Variants in ANGPT4 observed in about 807,000 individuals in gnomAD.
The protein encoded by ANGPT4 is angiopoietin-4.
Under a neutral mutation model 53.0 loss-of-function variants are expected in ANGPT4, and 50 were observed. The observed-to-expected ratio is 0.94, with a 90% confidence interval of 0.75 to 1.20. ANGPT4 has a LOEUF of 1.20. Among genes scored for constraint, ANGPT4 ranks in the 50% most tolerant of loss-of-function variants. The pLI, the probability that ANGPT4 is intolerant of heterozygous loss-of-function variation, is 0.00. For missense variants in ANGPT4, 648 were observed against 637.1 expected (o/e 1.02, Z -0.18); for synonymous variants, 251 against 259.7 (o/e 0.97, Z 0.32).
chr20:905,839 C>T (rs1002615445), intron 1 of ANGPT4, among the ~76,000 whole-genome samples: 1 of 152,194 alleles, frequency 6.6e-6, no homozygotes, highest in Admixed American at 6.5e-5. Context: ...GCTACTCTGT[C>T]CCAGGCATGA....
rs1982921365 is a variant in ANGPT4 at position 915,983 on chromosome 20, G to T, written c.232C>A (p.His78Asn). 6.2e-7 allele frequency: 1 copy of T among 1,612,342 alleles called. No homozygotes were observed. The highest frequency in any genetic ancestry group is 1.3e-5 in the African/African-American group (1 of 75,046). Residue 78 changes from histidine to asparagine, a missense_variant, in exon 1 of 9, where the codon CAC (histidine) becomes AAC (asparagine). Coordinates refer to ENST00000381922, the MANE Select transcript of ANGPT4 (RefSeq NM_015985.4). ...LQRESLANPLHLGKLPTQQVK... is the reference protein window; with the variant it reads ...LQRESLANPLNLGKLPTQQVK... ...TGCTGGGTGGGCAACTTCCCCAGGT[G>T]CAGTGGGTTGGCCAGTGATTCTCTC...
At chr20:877,034 C>T (rs1981196788) in intron 7 of ANGPT4, among the ~76,000 whole-genome samples, 1 of 151,324 alleles carries the variant, frequency 6.6e-6, no homozygotes, top group Non-Finnish European at 1.5e-5. Flanking sequence ...CCAGCCTGGG[C>T]AACAGAGTGA....
intron 6 of ANGPT4, 107 bp from the exon 7 acceptor site, chr20:878,434 T>C (rs1981260729): frequency 8.9e-7 from 1 of 1,119,172 alleles, no homozygotes; most frequent in South Asian, 1.8e-5. Context: ...ACAAAACCAC[T>C]GTGCTTAATG....
chr20:888,423 G>C lies in ANGPT4; in HGVS notation c.482C>G (p.Ser161Ter). The C allele has an allele frequency of 6.2e-7, 1 of 1,612,996 alleles. No individual in the cohort carries two copies. The highest frequency in any genetic ancestry group is 2.2e-5 in the East Asian group (1 of 44,838). Residue 161 changes from serine to a stop codon, truncating the protein, a stop_gained, in exon 3 of 9, where the codon TCA becomes TGA. Transcript: ENST00000381922. LOFTEE classifies it high-confidence loss of function. Reference sequence around the variant, plus strand: ...CTCTGGCATCTGGGCATCCATTCTTGATGTCTGGTTCAGGAGCTGCCCCAG... The same window carrying C: ...CTCTGGCATCTGGGCATCCATTCTTCATGTCTGGTTCAGGAGCTGCCCCAG... ...DMEAQLLNQTSRMDAQMPETF... is the reference protein window; with the variant it reads ...DMEAQLLNQT
chr20:912,951 A>T (rs1982762813), intron 1 of ANGPT4, among the ~76,000 whole-genome samples: 1 of 152,114 alleles, frequency 6.6e-6, no homozygotes, highest in Non-Finnish European at 1.5e-5. Context: ...TGGCTCTGGC[A>T]AGTCACTTTC....
intron 7 of ANGPT4, among the ~76,000 whole-genome samples, chr20:875,800 A>T (rs1264815083): frequency 6.6e-6 from 1 of 152,110 alleles, no homozygotes; most frequent in Non-Finnish European, 1.5e-5. Flanking sequence ...CTGCACTGGC[A>T]GCTGAAGTAG....
chr20:893,072 AT>A (rs1981911874), intron 1 of ANGPT4, among the ~76,000 whole-genome samples: 1 of 152,156 alleles, frequency 6.6e-6, no homozygotes, highest in Non-Finnish European at 1.5e-5. Flanking sequence ...CCTTGTCTCT[AT>A]GTACATTCAC....
chr20:913,898 G>A (rs1184167544), intron 1 of ANGPT4, among the ~76,000 whole-genome samples: 1 of 152,214 alleles, frequency 6.6e-6, no homozygotes, highest in Admixed American at 6.5e-5. Flanking sequence ...CAGGCAGGAG[G>A]AGGGTGTTTG....
At chr20:894,483 G>T (rs752907278) in intron 1 of ANGPT4, among the ~76,000 whole-genome samples, 1 of 152,084 alleles carries the variant, frequency 6.6e-6, no homozygotes, top group Non-Finnish European at 1.5e-5. Flanking sequence ...TAGCAGGCTG[G>T]TCCGGGGGTC....
chr20:878,818 A>G (rs542512858), intron 6 of ANGPT4, among the ~76,000 whole-genome samples: 1 of 152,376 alleles, frequency 6.6e-6, no homozygotes, highest in East Asian at 1.9e-4. Flanking sequence ...TAAATAGTAG[A>G]GCAAACTTTG....
rs1982858704 is a variant in ANGPT4 at position 914,845 on chromosome 20, A to G, written c.309+1061T>C. ...AGTCAGTGCTTCTCCGAGGGTACAC[A>G]ATAGGTGCTCACACTGCTGAAAGAC... On this transcript the variant is annotated intron_variant, in intron 1 of 8. Coordinates refer to ENST00000381922, the MANE Select transcript of ANGPT4 (RefSeq NM_015985.4). This position sits in a 1 kb window ranked among gnomAD's most constrained non-coding sequence, Gnocchi z 5.0. Among the ~76,000 whole-genome samples the G allele has an allele frequency of 6.6e-6, 1 of 152,118 alleles. No homozygotes were observed. The highest frequency in any genetic ancestry group is 2.1e-4 in the South Asian group (1 of 4,834).
chr20:892,766 G>A (rs545787127), intron 1 of ANGPT4, among the ~76,000 whole-genome samples: 110 of 152,178 alleles, frequency 7.2e-4, no homozygotes, highest in African/African-American at 2.6e-3. Flanking sequence ...TGAAACTACT[G>A]GCTTCAAACA....
At chr20:875,841 C>T (rs1981144455) in intron 7 of ANGPT4, among the ~76,000 whole-genome samples, 1 of 152,072 alleles carries the variant, frequency 6.6e-6, no homozygotes, top group Non-Finnish European at 1.5e-5. Flanking sequence ...TAAGAAGGTC[C>T]TGCTGAGGCT....
intron 1 of ANGPT4, among the ~76,000 whole-genome samples, chr20:895,708 C>T (rs1982019962): frequency 6.6e-6 from 1 of 152,118 alleles, no homozygotes; most frequent in South Asian, 2.1e-4. Context: ...TGCAGTCCAT[C>T]CATGCAGTGG....
chr20:911,483 C>T lies in ANGPT4; in HGVS notation c.309+4423G>A, dbSNP rs953090216. 1.3e-5 allele frequency among the ~76,000 whole-genome samples: 2 copies of T among 151,992 alleles called. No individual in the cohort carries two copies. Among genetic ancestry groups the T allele is most frequent in the African/African-American group, 4.8e-5 (2 of 41,350 alleles). On this transcript the variant is annotated intron_variant, in intron 1 of 8. Coordinates refer to ENST00000381922, the MANE Select transcript of ANGPT4 (RefSeq NM_015985.4). The surrounding 1 kb of genome is among the most constrained non-coding windows in gnomAD (Gnocchi z 4.9). ...GGGGAGGTAGAGGTGGGAGGGATGG[C>T]CTTGGGGTGAGAAAAGGAGGAGCTG...
rs1248436895 is a variant in ANGPT4, at chr20:911,378, A to G, written c.309+4528T>C. 6.6e-6 allele frequency among the ~76,000 whole-genome samples: 1 copy of G among 152,228 alleles called. No homozygotes were observed. Among genetic ancestry groups the G allele is most frequent in the Non-Finnish European group, 1.5e-5 (1 of 68,052 alleles). On this transcript the variant is annotated intron_variant, in intron 1 of 8. Transcript: ENST00000381922. This position sits in a 1 kb window ranked among gnomAD's most constrained non-coding sequence, Gnocchi z 4.9. The stretch of plus-strand genomic sequence containing the variant: ...TTGGGTGCAGAGGAGGAAGAGAAAG[A>G]GGCCTCGGCTGAGCAGCCAGCTGCA...
rs928555640 is a variant in ANGPT4 at position 874,326 on chromosome 20, T to C, written c.1309A>G (p.Asn437Asp). Residue 437 changes from asparagine (N) to aspartate (D), a missense_variant, in exon 8 of 9, where the codon AAC becomes GAC. Coordinates refer to ENST00000381922, the MANE Select transcript of ANGPT4 (RefSeq NM_015985.4). ...GCACACTTGCAGAGACAGTGGTCGT[T>C]GTCTGAGTCAAGGGTGCTAAAGCTG... ...NTSFSTLDSD[N>D]DHCLCKCAQV... 1.2e-6 allele frequency: 2 copies of C among 1,614,206 alleles called. No individual in the cohort carries two copies. The highest frequency in any genetic ancestry group is 2.7e-5 in the African/African-American group (2 of 75,064).
chr20:890,803 G>A lies in ANGPT4; in HGVS notation c.310-435C>T, dbSNP rs79607827. Among the ~76,000 whole-genome samples the A allele has an allele frequency of 5.8e-3, 879 of 152,098 alleles. 18 individuals are homozygous for A. The highest frequency in any genetic ancestry group is 0.02 in the African/African-American group (844 of 41,478). On this transcript the variant is annotated intron_variant, in intron 1 of 8. Transcript: ENST00000381922. ...CCTCTCCCTCACTCACTTCAATCCC[G>A]ATGCAATGGCTCCATGACATCCCTC...
intron 5 of ANGPT4, among the ~76,000 whole-genome samples, chr20:880,360 G>T (rs1335099256): frequency 4.6e-5 from 7 of 152,148 alleles, no homozygotes; most frequent in Non-Finnish European, 1.0e-4. Context: ...CGAGGAGGGA[G>T]GATCGCTTGA....
Sources: allele counts gnomAD v4.1 joint callset (sites outside exome capture counted in the v4.1 genomes callset), GRCh38; gene constraint gnomAD v4.1.1; non-coding constraint Gnocchi (gnomAD v3.1); transcripts MANE v1.5; gene names NCBI Gene and HGNC (gene_info 2026-07-23, HGNC 2026-07-21).